The following ZNF407 variants were observed in gnomAD, a reference collection of about 807,000 sequenced individuals.
The protein encoded by ZNF407 is zinc finger protein 407.
ZNF407 carries 17 observed loss-of-function variants against 131.2 expected under a neutral mutation model. The ratio of observed to expected loss-of-function variants is 0.13; its 90% CI spans 0.09 to 0.19. The LOEUF (loss-of-function observed/expected upper bound fraction) is 0.19. Among genes scored for constraint, ZNF407 ranks in the 10% least tolerant of loss-of-function variants. The probability of loss-of-function intolerance (pLI) is 1.00; values close to 1 mark genes in which losing one functional copy is unlikely to be tolerated. For missense variants in ZNF407, 2,681 were observed against 2,830.6 expected, an observed-to-expected ratio of 0.95 and a Z score of 1.20; for synonymous variants, 1,156 against 1,062.0, an observed-to-expected ratio of 1.09 and a Z score of -1.72.
At chr18:74,753,298 C>G (rs544680198) in intron 3 of ZNF407, among the ~76,000 whole-genome samples, 2 of 152,246 alleles carry the variant, frequency 1.3e-5, no homozygotes, top group South Asian at 4.1e-4. Context: ...ATCATGTCAT[C>G]TGCAAACAGG....
chr18:74,773,110 A>G (rs934938446), intron 3 of ZNF407, among the ~76,000 whole-genome samples: 1 of 152,196 alleles, frequency 6.6e-6, no homozygotes, highest in African/African-American at 2.4e-5. Flanking sequence ...TTTTAGTGTC[A>G]TCCACAAGGA....
At chr18:74,940,222 T>C (rs1599255048) in intron 8 of ZNF407, among the ~76,000 whole-genome samples, 1 of 152,158 alleles carries the variant, frequency 6.6e-6, no homozygotes, top group African/African-American at 2.4e-5. Context: ...AGACATTGTA[T>C]GGGAGCCACC....
At chr18:74,622,833 TGA>T (rs1983583975) in intron 1 of ZNF407, among the ~76,000 whole-genome samples, 4 of 4,080 alleles carry the variant, frequency 9.8e-4, no homozygotes, top group South Asian at 0.011. Context: ...TGAGTACGTG[TGA>T]GTGTGTATCT....
At chr18:74,992,611 A>T (rs1036816920) in intron 8 of ZNF407, among the ~76,000 whole-genome samples, 13 of 152,200 alleles carry the variant, frequency 8.5e-5, no homozygotes, top group Non-Finnish European at 1.9e-4. Flanking sequence ...AGCGTCACGG[A>T]AGGTGGACCT....
intron 3 of ZNF407, among the ~76,000 whole-genome samples, chr18:74,716,282 T>C (rs1363907734): frequency 1.3e-5 from 2 of 152,246 alleles, no homozygotes; most frequent in African/African-American, 4.8e-5. Context: ...TTTTGCCTTA[T>C]TGTGGGAATG....
At chr18:74,727,855 GC>G (rs897582535) in intron 3 of ZNF407, among the ~76,000 whole-genome samples, 1 of 152,178 alleles carries the variant, frequency 6.6e-6, no homozygotes, top group Non-Finnish European at 1.5e-5. Flanking sequence ...GAGTAGAGTG[GC>G]TCAGACAAGT....
chr18:74,778,215 T>C (rs1202321519), intron 3 of ZNF407, among the ~76,000 whole-genome samples: 1 of 152,130 alleles, frequency 6.6e-6, no homozygotes, highest in Non-Finnish European at 1.5e-5. Flanking sequence ...CCTCCTCACT[T>C]ACCAGCCCCC....
chr18:74,676,642 G>A (rs558722433), intron 3 of ZNF407, among the ~76,000 whole-genome samples: 97 of 151,886 alleles, frequency 6.4e-4, no homozygotes, highest in South Asian at 1.5e-3. Flanking sequence ...CACCGTGTTA[G>A]CCAGGATGGT....
chr18:74,647,096 G>T (rs141715809), intron 3 of ZNF407, among the ~76,000 whole-genome samples: 1 of 152,018 alleles, frequency 6.6e-6, no homozygotes, highest in South Asian at 2.1e-4. Context: ...GACTTAACTC[G>T]TTGCTTCTTC....
intron 3 of ZNF407, among the ~76,000 whole-genome samples, chr18:74,710,497 T>C (rs1967732836): frequency 1.3e-5 from 2 of 152,318 alleles, no homozygotes; most frequent in South Asian, 4.1e-4. Flanking sequence ...TGACTGAATG[T>C]AAGTTCTTCC....
intron 3 of ZNF407, among the ~76,000 whole-genome samples, chr18:74,710,578 T>C (rs548089627): frequency 1.3e-5 from 2 of 152,338 alleles, no homozygotes; most frequent in African/African-American, 4.8e-5. Context: ...ACTGTCCTCA[T>C]GGGTGTTACA....
intron 8 of ZNF407, among the ~76,000 whole-genome samples, chr18:75,014,111 G>C (rs1400797364): frequency 6.6e-6 from 1 of 152,028 alleles, no homozygotes; most frequent in Admixed American, 6.6e-5. Flanking sequence ...TGTACTAGGG[G>C]TTAAAAACAG....
intron 3 of ZNF407, among the ~76,000 whole-genome samples, chr18:74,671,682 A>G (rs763178580): frequency 1.7e-4 from 26 of 152,212 alleles, no homozygotes; most frequent in Admixed American, 7.9e-4. Context: ...TGTACCCACA[A>G]AGGACATACA....
intron 8 of ZNF407, among the ~76,000 whole-genome samples, chr18:75,040,289 G>C (rs1973357890): frequency 6.6e-6 from 1 of 152,126 alleles, no homozygotes; most frequent in South Asian, 2.1e-4. Context: ...AGTGTGAGTA[G>C]GCTGTTGATA....
At chr18:74,879,592 A>G (rs1225744527) in intron 5 of ZNF407, among the ~76,000 whole-genome samples, 1 of 152,204 alleles carries the variant, frequency 6.6e-6, no homozygotes, top group Non-Finnish European at 1.5e-5. Context: ...GAGTGATTAT[A>G]ATTAAACTTT....
At chr18:74,822,289 TTTGGCTTTTG>T (rs1163528095) in intron 4 of ZNF407, among the ~76,000 whole-genome samples, 1 of 152,238 alleles carries the variant, frequency 6.6e-6, no homozygotes, top group African/African-American at 2.4e-5. Context: ...ATTTGTCAAT[TTTGGCTTTTG>T]TTGCCATTGC....
At chr18:74,599,487 G>A (rs554104414) in intron 1 of ZNF407, among the ~76,000 whole-genome samples, 72 of 152,136 alleles carry the variant, frequency 4.7e-4, no homozygotes, top group Non-Finnish European at 8.8e-4. Flanking sequence ...CTTCCCTAGA[G>A]GATTTTGAGA....
intron 8 of ZNF407, among the ~76,000 whole-genome samples, chr18:75,043,607 T>A (rs904992366): frequency 5.3e-5 from 8 of 152,216 alleles, no homozygotes; most frequent in Non-Finnish European, 1.2e-4. Context: ...CATTTCTGCA[T>A]CTCTATTAAA....
intron 4 of ZNF407, among the ~76,000 whole-genome samples, chr18:74,867,800 T>C (rs1015308000): frequency 1.3e-5 from 2 of 152,244 alleles, no homozygotes; most frequent in African/African-American, 4.8e-5. Context: ...ATAAATTCCT[T>C]ACTAGGGCTT....
Sources: allele counts gnomAD v4.1 joint callset (sites outside exome capture counted in the v4.1 genomes callset), GRCh38; gene constraint gnomAD v4.1.1; transcripts MANE v1.5; gene names NCBI Gene and HGNC (gene_info 2026-07-23, HGNC 2026-07-21).